The following PTPN14 variants were observed in gnomAD, a reference collection of about 807,000 sequenced individuals.
PTPN14 encodes the protein tyrosine-protein phosphatase non-receptor type 14.
PTPN14 carries 53 observed loss-of-function variants against 126.8 expected under a neutral mutation model. The ratio of observed to expected loss-of-function variants is 0.42; its 90% CI spans 0.34 to 0.53. The LOEUF (loss-of-function observed/expected upper bound fraction) is 0.53. Ranked by LOEUF, PTPN14 falls within the 20% of genes least tolerant of loss-of-function variation. The probability of loss-of-function intolerance (pLI) is 0.08; values close to 1 mark genes in which losing one functional copy is unlikely to be tolerated. For missense variants in PTPN14, 1,257 were observed against 1,552.9 expected, an observed-to-expected ratio of 0.81 and a Z score of 3.20; for synonymous variants, 630 against 599.3, an observed-to-expected ratio of 1.05 and a Z score of -0.75.
intron 1 of PTPN14, among the ~76,000 whole-genome samples, chr1:214,534,527 C>T (rs1288740151): frequency 6.6e-6 from 1 of 151,936 alleles, no homozygotes. Context: ...TCCTGGCTAA[C>T]ACGGTGAAAC....
chr1:214,359,949 G>A (rs1657915863), intron 18 of PTPN14, among the ~76,000 whole-genome samples: 1 of 152,182 alleles, frequency 6.6e-6, no homozygotes, highest in South Asian at 2.1e-4. Context: ...GGGTACTTGA[G>A]CAGATCAGAG....
chr1:214,431,743 T>G (rs1425812207), intron 3 of PTPN14, among the ~76,000 whole-genome samples: 1 of 152,198 alleles, frequency 6.6e-6, no homozygotes, highest in Admixed American at 6.5e-5. Flanking sequence ...CTCTGTGCCT[T>G]AGTTTCCTAT....
chr1:214,445,364 C>T (rs967891824), intron 3 of PTPN14, among the ~76,000 whole-genome samples: 2 of 152,172 alleles, frequency 1.3e-5, no homozygotes, highest in African/African-American at 2.4e-5. Flanking sequence ...AGTAGTTGCA[C>T]TCTGTCAATT....
At chr1:214,423,809 C>T (rs892289538) in intron 3 of PTPN14, among the ~76,000 whole-genome samples, 7 of 151,738 alleles carry the variant, frequency 4.6e-5, no homozygotes, top group Non-Finnish European at 7.4e-5. Flanking sequence ...GGTGAAACCA[C>T]GTCTCTACTA....
At chr1:214,490,139 G>A (rs1452354229) in intron 1 of PTPN14, among the ~76,000 whole-genome samples, 2 of 152,180 alleles carry the variant, frequency 1.3e-5, no homozygotes, top group Non-Finnish European at 2.9e-5. Context: ...CTCTTACAAT[G>A]AGGCAATGGG....
At chr1:214,458,940 G>A (rs906275018) in intron 2 of PTPN14, among the ~76,000 whole-genome samples, 3 of 148,074 alleles carry the variant, frequency 2.0e-5, no homozygotes, top group African/African-American at 5.0e-5. Context: ...TGACATTATT[G>A]GAATTCTGAT....
At chr1:214,376,134 GCAGCCCACA>G in intron 15 of PTPN14, 76 bp downstream of exon 15, 1 of 1,275,018 alleles carries the variant, frequency 7.8e-7, no homozygotes, top group Non-Finnish European at 1.1e-6. Flanking sequence ...AGGTACAACT[GCAGCCCACA>G]CATTTTCTTC....
intron 1 of PTPN14, among the ~76,000 whole-genome samples, chr1:214,481,172 T>C (rs954919513): frequency 1.3e-5 from 2 of 152,122 alleles, no homozygotes; most frequent in Non-Finnish European, 2.9e-5. Context: ...AATGCAACAT[T>C]TGAAACAGAA....
chr1:214,349,691 A>C lies in PTPN14; in HGVS notation c.*8231T>G, dbSNP rs1222370055. On this transcript the variant is annotated 3_prime_UTR_variant, in exon 19 of 19. Transcript: ENST00000366956. ...TAGCTATTGAAGGAACAAAGGACAT[A>C]CATAGGAACTCATCTCTGATGAAGA... 6.6e-6 allele frequency: 1 copy of C among 152,254 alleles called. No individual in the cohort carries two copies. Among genetic ancestry groups the C allele is most frequent in the African/African-American group, 2.4e-5 (1 of 41,464 alleles). The allele number at this position is 152,254 out of a possible 1,614,324, so 9.4% of individuals were successfully genotyped here.
intron 11 of PTPN14, among the ~76,000 whole-genome samples, chr1:214,387,901 T>G (rs1658660136): frequency 6.6e-6 from 1 of 152,042 alleles, no homozygotes; most frequent in African/African-American, 2.4e-5. Flanking sequence ...TATTTAAATA[T>G]CTAAAATGTG....
At position 214,377,893 on chromosome 1, in the gene PTPN14, C is replaced by A; in HGVS notation, c.2688+66G>T. 5.2e-6 allele frequency: 8 copies of A among 1,540,872 alleles called. No individual in the cohort carries two copies. In the Admixed American group the frequency reaches 1.6e-4, roughly 30 times the overall value. ...AAATCTCAATGCTGGCATATTCGGGCAAGGAGGGTGTTTTGGGATCCTAAG... is the reference window on the plus strand; with the variant it reads ...AAATCTCAATGCTGGCATATTCGGGAAAGGAGGGTGTTTTGGGATCCTAAG... On this transcript the variant is annotated intron_variant, in intron 14 of 18. Transcript: ENST00000366956.
At chr1:214,389,251 G>A (rs1236706763) in intron 11 of PTPN14, among the ~76,000 whole-genome samples, 2 of 152,148 alleles carry the variant, frequency 1.3e-5, no homozygotes, top group African/African-American at 4.8e-5. Context: ...AAACCAATAA[G>A]TAAGTTACGG....
intron 1 of PTPN14, among the ~76,000 whole-genome samples, chr1:214,486,140 T>C (rs558526765): frequency 2.8e-4 from 43 of 152,236 alleles, no homozygotes; most frequent in African/African-American, 1.0e-3. Flanking sequence ...GTTAATAAGT[T>C]ATCATCAATA....
chr1:214,402,664 A>AGGGAGGGAGGGAGGGAG (rs1307728862), intron 6 of PTPN14, among the ~76,000 whole-genome samples: 1 of 46,086 alleles, frequency 2.2e-5, no homozygotes, highest in Admixed American at 2.6e-4. Flanking sequence ...GAAGGAAGGA[A>AGGGAGGGAGGGAGGGAG]GGAAGGAAGG....
At position 214,348,746 on chromosome 1, in the gene PTPN14, C is replaced by T. The variant is rs1657648022; in HGVS notation, c.*9176G>A. 1 of 152,022 alleles carries T rather than the reference C, an allele frequency of 6.6e-6. No individual in the cohort carries two copies. The highest frequency in any genetic ancestry group is 6.5e-5 in the Admixed American group (1 of 15,278). 9.4% of individuals were successfully genotyped at this position (152,022 alleles called of 1,614,324 possible). ...ATTGCATATGGAAATCAATAGATAT[C>T]TTTTACAAAAAAAGGTTAGAATAAA... On this transcript the variant is annotated 3_prime_UTR_variant, in exon 19 of 19. Coordinates refer to ENST00000366956, the MANE Select transcript of PTPN14 (RefSeq NM_005401.5).
chr1:214,525,485 G>C (rs77427512), intron 1 of PTPN14, among the ~76,000 whole-genome samples: 3,045 of 152,282 alleles, frequency 0.02, 102 homozygotes, highest in African/African-American at 0.07. Flanking sequence ...CAAAACAAAA[G>C]TTTAAATTTA....
intron 5 of PTPN14, among the ~76,000 whole-genome samples, chr1:214,405,102 C>T (rs1571978810): frequency 6.6e-6 from 1 of 152,216 alleles, no homozygotes; most frequent in Non-Finnish European, 1.5e-5. Flanking sequence ...AAGGATGGGC[C>T]TTTACATGCC....
At chr1:214,435,405 A>G (rs5024205) in intron 3 of PTPN14, among the ~76,000 whole-genome samples, 12,650 of 152,220 alleles carry the variant, frequency 0.083, 677 homozygotes, top group Middle Eastern at 0.12. Flanking sequence ...TTATAATTAT[A>G]CAATGTCCTA....
intron 1 of PTPN14, among the ~76,000 whole-genome samples, chr1:214,527,473 C>T (rs1215415735): frequency 6.6e-6 from 1 of 152,122 alleles, no homozygotes; most frequent in African/African-American, 2.4e-5. Flanking sequence ...GATTTAATCA[C>T]CCTAACCATT....
Sources: allele counts gnomAD v4.1 joint callset (sites outside exome capture counted in the v4.1 genomes callset), GRCh38; gene constraint gnomAD v4.1.1; transcripts MANE v1.5; gene names NCBI Gene and HGNC (gene_info 2026-07-23, HGNC 2026-07-21).